ZMIZ1: variants seen among roughly 807,000 people sequenced by gnomAD.
ZMIZ1 encodes zinc finger MIZ domain-containing protein 1.
ZMIZ1 carries 17 observed loss-of-function variants against 113.9 expected under a neutral mutation model. The ratio of observed to expected loss-of-function variants is 0.15; its 90% CI spans 0.10 to 0.22. ZMIZ1 has a LOEUF of 0.22. ZMIZ1 is among the 10% of genes least tolerant of loss of function. ZMIZ1 has a pLI of 1.00. For missense variants in ZMIZ1, 1,059 were observed against 1,477.8 expected (o/e 0.72, Z 4.65); for synonymous variants, 607 against 603.1 (o/e 1.01, Z -0.09).
intron 6 of ZMIZ1, among the ~76,000 whole-genome samples, chr10:79,208,934 T>C (rs920428472): frequency 2.6e-5 from 4 of 152,176 alleles, no homozygotes; most frequent in Non-Finnish European, 1.5e-5. Context: ...ATGATCCCTC[T>C]GCTAAGTCCA....
At chr10:79,096,532 A>G (rs1182726794) in intron 1 of ZMIZ1, among the ~76,000 whole-genome samples, 2 of 152,142 alleles carry the variant, frequency 1.3e-5, no homozygotes, top group Non-Finnish European at 2.9e-5. Context: ...AAAAGAAAAG[A>G]AAAGAAATGA....
Position 79,292,239 on chromosome 10 carries a change from GGCAGCC to G in ZMIZ1, c.843_848del (p.Ala286_Ala287del). 1 of 1,612,182 alleles carries G rather than the reference GGCAGCC, an allele frequency of 6.2e-7. No individual in the cohort carries two copies. The highest frequency in any genetic ancestry group is 8.5e-7 in the Non-Finnish European group (1 of 1,179,644). ...CGCCTGCTGACTTCACTCAGCCCGC[GGCAGCC>G]GCTGCAGCAGCGGCAGTGGCAGCAG... On this transcript the variant is annotated inframe_deletion, in exon 11 of 25. Coordinates refer to ENST00000334512, the MANE Select transcript of ZMIZ1 (RefSeq NM_020338.4).
chr10:79,300,517 G>T (rs547850886), intron 16 of ZMIZ1, among the ~76,000 whole-genome samples: 1 of 152,114 alleles, frequency 6.6e-6, no homozygotes, highest in Non-Finnish European at 1.5e-5. Flanking sequence ...GGAATGATTG[G>T]TGTGCGGGGG....
At chr10:79,297,747 G>T in intron 14 of ZMIZ1, 57 bp downstream of exon 14, 1 of 1,477,942 alleles carries the variant, frequency 6.8e-7, no homozygotes, top group Non-Finnish European at 9.4e-7. Context: ...GCCTCTAAAG[G>T]TTCTCACTGT....
At chr10:79,226,984 C>A (rs139484910) in intron 7 of ZMIZ1, among the ~76,000 whole-genome samples, 26 of 152,290 alleles carry the variant, frequency 1.7e-4, no homozygotes, top group African/African-American at 5.8e-4. Flanking sequence ...ACTCACTTAT[C>A]CCACATGGTG....
intron 1 of ZMIZ1, among the ~76,000 whole-genome samples, chr10:79,109,150 GT>G (rs1383145303): frequency 2.0e-5 from 3 of 152,142 alleles, no homozygotes; most frequent in African/African-American, 7.2e-5. Context: ...CTCTCTCTGT[GT>G]TGATCTGTTC....
At chr10:79,195,683 GT>G (rs1847804046) in intron 4 of ZMIZ1, among the ~76,000 whole-genome samples, 1 of 152,216 alleles carries the variant, frequency 6.6e-6, no homozygotes, top group South Asian at 2.1e-4. Flanking sequence ...GCCCAGTGAT[GT>G]AAGTGACTGG....
At chr10:79,298,717 G>A (rs1008829628) in intron 15 of ZMIZ1, 137 bp downstream of exon 15, 7 of 848,094 alleles carry the variant, frequency 8.3e-6, no homozygotes, top group Non-Finnish European at 1.2e-5. Context: ...AGATACCCAG[G>A]GGCACACTCA....
chr10:79,124,258 T>C (rs1267557471), intron 2 of ZMIZ1, among the ~76,000 whole-genome samples: 1 of 152,116 alleles, frequency 6.6e-6, no homozygotes, highest in Non-Finnish European at 1.5e-5. Context: ...AGGATTGGGG[T>C]AGGTCAGGGA....
At chr10:79,259,058 AGCC>A (rs1851094908) in intron 7 of ZMIZ1, among the ~76,000 whole-genome samples, 1 of 152,182 alleles carries the variant, frequency 6.6e-6, no homozygotes, top group Non-Finnish European at 1.5e-5. Context: ...GCCTCGCCCC[AGCC>A]GCCCGTATTA....
rs141225164 is a variant in ZMIZ1, at chr10:79,141,282, G to C, written c.-131+1505G>C. Reference sequence around the variant, plus strand: ...CAGAGATATAGCAGGGAATAAAGCAGACAAAACTCCCTGCCCTTACGGCGC... The same window carrying C: ...CAGAGATATAGCAGGGAATAAAGCACACAAAACTCCCTGCCCTTACGGCGC... On this transcript the variant is annotated intron_variant, in intron 3 of 24. Coordinates refer to ENST00000334512, the MANE Select transcript of ZMIZ1 (RefSeq NM_020338.4). 2.2e-3 allele frequency among the ~76,000 whole-genome samples: 331 copies of C among 152,344 alleles called. 3 individuals carry two copies. The highest frequency in any genetic ancestry group is 7.2e-3 in the African/African-American group (299 of 41,576).
intron 7 of ZMIZ1, among the ~76,000 whole-genome samples, chr10:79,228,268 A>T (rs1366213417): frequency 6.6e-6 from 1 of 152,260 alleles, no homozygotes; most frequent in Non-Finnish European, 1.5e-5. Flanking sequence ...AAAGAGATTT[A>T]TTCACTTGTC....
intron 5 of ZMIZ1, among the ~76,000 whole-genome samples, chr10:79,202,517 G>A (rs1359775057): frequency 1.3e-5 from 2 of 148,872 alleles, no homozygotes; most frequent in Non-Finnish European, 3.0e-5. Flanking sequence ...AAGGAAACAA[G>A]TACAGAGAGG....
At chr10:79,158,157 G>A (rs1283264765) in intron 3 of ZMIZ1, among the ~76,000 whole-genome samples, 1 of 152,206 alleles carries the variant, frequency 6.6e-6, no homozygotes. Flanking sequence ...CTTGGTGTCT[G>A]CATCTGCACA....
At chr10:79,245,226 C>G (rs761522492) in intron 7 of ZMIZ1, among the ~76,000 whole-genome samples, 11 of 152,220 alleles carry the variant, frequency 7.2e-5, no homozygotes, top group African/African-American at 2.7e-4. Context: ...TCTCATGCCT[C>G]TTGATTCTCA....
chr10:79,199,463 G>A (rs113031371), intron 4 of ZMIZ1, among the ~76,000 whole-genome samples: 2,049 of 151,882 alleles, frequency 0.013, 22 homozygotes, highest in Non-Finnish European at 0.022. Context: ...CCAAGATTGC[G>A]CCACTGCACT....
At chr10:79,198,115 C>G (rs560975410) in intron 4 of ZMIZ1, among the ~76,000 whole-genome samples, 1 of 152,000 alleles carries the variant, frequency 6.6e-6, no homozygotes, top group Non-Finnish European at 1.5e-5. Flanking sequence ...AAAAACTAGC[C>G]GGACGTGGTG....
At chr10:79,078,115 G>A (rs779319996) in intron 1 of ZMIZ1, among the ~76,000 whole-genome samples, 2 of 152,218 alleles carry the variant, frequency 1.3e-5, no homozygotes, top group Non-Finnish European at 2.9e-5. Context: ...AGGGCAGCTT[G>A]TTCCCCTTGG....
chr10:79,201,637 A>T lies in ZMIZ1; in HGVS notation c.5A>T (p.Asn2Ile). 1 of 1,613,730 alleles carries T rather than the reference A, an allele frequency of 6.2e-7. No homozygotes were observed. Among genetic ancestry groups the T allele is most frequent in the Non-Finnish European group, 8.5e-7 (1 of 1,179,872 alleles). The change falls in exon 5 of 25, where the codon AAT (asparagine) becomes ATT (isoleucine). Residue 2 changes from asparagine to isoleucine, a missense_variant. This residue lies in a region of ZMIZ1 where 272 missense variants were observed against 350.4 expected (regional missense o/e 0.78). Coordinates refer to ENST00000334512, the MANE Select transcript of ZMIZ1 (RefSeq NM_020338.4). ...GAACCTAGTGAAACGGCCAGAATGAATTCTATGGACAGGCACATCCAGCAG... is the reference window on the plus strand; with the variant it reads ...GAACCTAGTGAAACGGCCAGAATGATTTCTATGGACAGGCACATCCAGCAG... The part of the protein sequence containing the change: M[N>I]SMDRHIQQTN...
Sources: gnomAD v4.1 joint callset for allele counts (sites outside exome capture counted in the v4.1 genomes callset) on GRCh38, gnomAD v4.1.1 for gene constraint, gnomAD v4.1.1 regional missense constraint, MANE v1.5 for transcripts, NCBI Gene and HGNC (gene_info 2026-07-23, HGNC 2026-07-21) for gene names.